The following UEVLD variants were observed in gnomAD, a reference collection of about 807,000 sequenced individuals.
UEVLD encodes the protein UEV and lactate/malate dehyrogenase domains.
A neutral mutation model predicts 58.6 loss-of-function variants in UEVLD; 47 were observed. The ratio of observed to expected loss-of-function variants is 0.80; its 90% confidence interval spans 0.63 to 1.02. The LOEUF (loss-of-function observed/expected upper bound fraction) is 1.02, where lower values mean the gene tolerates loss of function less well. Among genes scored for constraint, UEVLD ranks in the 50% least tolerant of loss-of-function variants. The pLI is 0.00. For missense variants in UEVLD, 510 were observed against 550.6 expected (o/e 0.93, Z 0.74); for synonymous variants, 197 against 195.3 (o/e 1.01, Z -0.07).
intron 3 of UEVLD, 77 bp downstream of exon 3, chr11:18,575,270 T>C (rs1852841673): frequency 2.8e-6 from 4 of 1,448,868 alleles, no homozygotes; most frequent in East Asian, 2.3e-5. Flanking sequence ...AAGAATGTTA[T>C]GGCATAAACA....
At position 18,578,674 on chromosome 11, in the gene UEVLD, A is replaced by G. The variant is rs1853063920; in HGVS notation, c.127+50T>C. 2.8e-6 allele frequency: 4 copies of G among 1,411,764 alleles called. No homozygotes were observed. The African/African-American group carries it at 5.7e-5, about 20-fold the overall frequency. The allele number at this position is 1,411,764 out of a possible 1,614,324, so 87.5% of individuals were successfully genotyped here. On this transcript the variant is annotated intron_variant, in intron 2 of 11. Transcript: ENST00000396197. The stretch of plus-strand genomic sequence containing the variant: ...ATTTTGCAGCTCTTTAGGACCAAAA[A>G]TTAGTAGTTCAAATAATGCAGCATT...
At chr11:18,588,369 TG>T (rs1853695412) in intron 1 of UEVLD, among the ~76,000 whole-genome samples, 1 of 152,004 alleles carries the variant, frequency 6.6e-6, no homozygotes, top group Non-Finnish European at 1.5e-5. Flanking sequence ...TCAGTGAAGC[TG>T]GGGGTATGAG....
chr11:18,586,468 C>T (rs1448156804), intron 1 of UEVLD, among the ~76,000 whole-genome samples: 1 of 152,112 alleles, frequency 6.6e-6, no homozygotes, highest in Non-Finnish European at 1.5e-5. Flanking sequence ...CTACCCGCCT[C>T]GGTCTCCCAA....
At chr11:18,556,833 C>T (rs574997649) in intron 7 of UEVLD, among the ~76,000 whole-genome samples, 1 of 152,144 alleles carries the variant, frequency 6.6e-6, no homozygotes, top group East Asian at 1.9e-4. Flanking sequence ...TGGCTCATGA[C>T]TGTAATCCTA....
intron 7 of UEVLD, among the ~76,000 whole-genome samples, chr11:18,556,479 T>C (rs1851762238): frequency 6.6e-6 from 1 of 152,244 alleles, no homozygotes; most frequent in African/African-American, 2.4e-5. Context: ...TACCATTCCT[T>C]AGTTTATTGA....
chr11:18,534,724 A>G (rs1590303207), intron 10 of UEVLD, among the ~76,000 whole-genome samples: 1 of 152,260 alleles, frequency 6.6e-6, no homozygotes, highest in East Asian at 1.9e-4. Flanking sequence ...AAAACAATAA[A>G]TACCAATTTG....
At chr11:18,537,357 G>T (rs189650133) in intron 9 of UEVLD, among the ~76,000 whole-genome samples, 171 of 140,106 alleles carry the variant, frequency 1.2e-3, no homozygotes, top group Middle Eastern at 0.012. Flanking sequence ...TTTTTGAGAC[G>T]GACTCTCGCT....
chr11:18,558,416 A>C (rs1851858863), intron 6 of UEVLD, 86 bp from the exon 7 acceptor site: 3 of 818,328 alleles, frequency 3.7e-6, no homozygotes, highest in African/African-American at 1.7e-5. Flanking sequence ...AAAGGACAAT[A>C]AACAGGCCTC....
chr11:18,588,469 C>T (rs1853702609), intron 1 of UEVLD, 144 bp downstream of exon 1: 1 of 951,552 alleles, frequency 1.1e-6, no homozygotes, highest in East Asian at 2.7e-5. Flanking sequence ...GGGGCCGCGC[C>T]CCATAGCCGG....
intron 1 of UEVLD, among the ~76,000 whole-genome samples, chr11:18,581,433 C>T (rs183520605): frequency 6.6e-6 from 1 of 152,182 alleles, no homozygotes; most frequent in African/African-American, 2.4e-5. Flanking sequence ...CCTGTAATCC[C>T]AGCACATTGG....
In UEVLD at chr11:18,578,717, T is replaced by C. The variant is rs568057434; in HGVS notation, c.127+7A>G. 1 of 1,588,626 alleles carries C rather than the reference T, an allele frequency of 6.3e-7. No individual in the cohort carries two copies. The highest frequency in any genetic ancestry group is 1.3e-5 in the African/African-American group (1 of 74,114). On this transcript the variant is annotated splice_region_variant and intron_variant, in intron 2 of 11. Coordinates refer to ENST00000396197, the MANE Select transcript of UEVLD (RefSeq NM_001040697.4). ...GCAGCATTTAAACTAGAGGATATGA[T>C]TCTTACCATAGGTGTCCATGGAATA...
Position 18,534,441 on chromosome 11 carries a change from C to G in UEVLD, c.1137G>C (p.Leu379=). 3.2e-6 allele frequency: 5 copies of G among 1,573,074 alleles called. No individual in the cohort carries two copies. The highest frequency in any genetic ancestry group is 4.3e-6 in the Non-Finnish European group (5 of 1,167,702). The part of the protein sequence containing the change: ...QVQLSNRAME[L]LRVKGQRSWS... ...AGGATCTTTGACCTTTTACTCTTAGCAGTTCCATGGCTCTAGGTTACAAAA... is the reference window on the plus strand; with the variant it reads ...AGGATCTTTGACCTTTTACTCTTAGGAGTTCCATGGCTCTAGGTTACAAAA... Residue 379 remains leucine, a synonymous_variant, in exon 11 of 12, where the codon CTG becomes CTC. Coordinates refer to ENST00000396197, the MANE Select transcript of UEVLD (RefSeq NM_001040697.4).
chr11:18,571,923 G>A (rs1476053927), intron 3 of UEVLD, among the ~76,000 whole-genome samples: 2 of 152,054 alleles, frequency 1.3e-5, no homozygotes, highest in Non-Finnish European at 2.9e-5. Flanking sequence ...AGGCAACAGA[G>A]CAACACCCTC....
chr11:18,541,612 C>T (rs1223180448), intron 9 of UEVLD, among the ~76,000 whole-genome samples: 1 of 152,066 alleles, frequency 6.6e-6, no homozygotes, highest in Admixed American at 6.6e-5. Flanking sequence ...AGCAGGACAA[C>T]AAAAGTAACA....
intron 5 of UEVLD, among the ~76,000 whole-genome samples, chr11:18,565,868 T>C (rs1314546554): frequency 6.6e-6 from 1 of 151,474 alleles, no homozygotes; most frequent in Non-Finnish European, 1.5e-5. Flanking sequence ...GGTAATACCC[T>C]GTGATAAAGG....
intron 6 of UEVLD, among the ~76,000 whole-genome samples, chr11:18,561,566 G>A (rs575176972): frequency 6.6e-6 from 1 of 152,268 alleles, no homozygotes; most frequent in South Asian, 2.1e-4. Context: ...TACTGGCCAG[G>A]CACGGTGGCT....
At chr11:18,549,928 TCTC>T (rs761275052) in intron 7 of UEVLD, among the ~76,000 whole-genome samples, 38 of 152,098 alleles carry the variant, frequency 2.5e-4, no homozygotes, top group Non-Finnish European at 4.0e-4. Flanking sequence ...TTCAAGTGAT[TCTC>T]CTGCGTCTGC....
intron 9 of UEVLD, among the ~76,000 whole-genome samples, chr11:18,540,807 G>A (rs1334575808): frequency 6.6e-6 from 1 of 152,170 alleles, no homozygotes; most frequent in Non-Finnish European, 1.5e-5. Flanking sequence ...CTCTCTCAGA[G>A]TACAGCCTTC....
chr11:18,556,188 C>T (rs1851751190), intron 7 of UEVLD, among the ~76,000 whole-genome samples: 1 of 152,208 alleles, frequency 6.6e-6, no homozygotes, highest in Admixed American at 6.5e-5. Context: ...CGTGGCCTCA[C>T]AACCTCTAGA....
Sources: allele counts gnomAD v4.1 joint callset (sites outside exome capture counted in the v4.1 genomes callset), GRCh38; gene constraint gnomAD v4.1.1; transcripts MANE v1.5; gene names NCBI Gene and HGNC (gene_info 2026-07-23, HGNC 2026-07-21).